The following DOCK9 variants were observed in gnomAD, a reference collection of about 807,000 sequenced individuals.
DOCK9 encodes the protein dedicator of cytokinesis 9, also known as dedicator of cytokinesis protein 9.
A neutral mutation model predicts 263.3 loss-of-function variants in DOCK9; 89 were observed. The ratio of observed to expected loss-of-function variants is 0.34; its 90% CI spans 0.28 to 0.40. DOCK9 has a LOEUF of 0.40. Among genes scored for constraint, DOCK9 ranks in the 10% least tolerant of loss-of-function variants. The probability of loss-of-function intolerance (pLI) is 1.00; values close to 1 mark genes in which losing one functional copy is unlikely to be tolerated. For missense variants in DOCK9, 2,140 were observed against 2,603.4 expected, an observed-to-expected ratio of 0.82 and a Z score of 3.87; for synonymous variants, 976 against 973.1, an observed-to-expected ratio of 1.00 and a Z score of -0.06.
intron 11 of DOCK9, among the ~76,000 whole-genome samples, chr13:98,902,707 T>C (rs1224546851): frequency 1.3e-5 from 2 of 152,234 alleles, no homozygotes; most frequent in Non-Finnish European, 2.9e-5. Flanking sequence ...CTACGTAATG[T>C]ATGTTCCATA....
chr13:98,978,056 G>A lies in DOCK9; in HGVS notation c.-147C>T. On this transcript the variant is annotated 5_prime_UTR_variant, in exon 1 of 53. Transcript: ENST00000682017. ...GTGGTCAGCCCCGCTGGCTGGGTCT[G>A]CAGAGCCTGTGGGGTGGGAAGGCAT... 7.0e-7 allele frequency: 1 copy of A among 1,432,896 alleles called. No individual in the cohort carries two copies. The highest frequency in any genetic ancestry group is 9.1e-7 in the Non-Finnish European group (1 of 1,098,566). 88.8% of individuals were successfully genotyped at this position (1,432,896 alleles called of 1,614,324 possible).
At chr13:98,838,713 G>C (rs1340800653) in intron 38 of DOCK9, among the ~76,000 whole-genome samples, 1 of 152,170 alleles carries the variant, frequency 6.6e-6, no homozygotes, top group African/African-American at 2.4e-5. Context: ...TTACAGTATT[G>C]ATCTAGATTA....
At chr13:98,826,950 A>G (rs1405265633) in intron 43 of DOCK9, 63 bp from the exon 44 acceptor site, 2 of 1,283,058 alleles carry the variant, frequency 1.6e-6, no homozygotes, top group Non-Finnish European at 2.2e-6. Context: ...ATGCTCCCAC[A>G]CAGACAGAAA....
chr13:99,038,252 A>G (rs7329206), intron 1 of DOCK9, among the ~76,000 whole-genome samples: 32,760 of 148,612 alleles, frequency 0.22, 3,673 homozygotes, highest in Middle Eastern at 0.31. Flanking sequence ...TTAACCGGAA[A>G]TAACTATTAA....
At chr13:98,846,495 T>C in intron 37 of DOCK9, 1 of 1,347,458 alleles carries the variant, frequency 7.4e-7, no homozygotes. Flanking sequence ...AGGGATTATA[T>C]GAGTTTTAAC....
At chr13:98,983,080 G>C (rs1396085956) in intron 1 of DOCK9, among the ~76,000 whole-genome samples, 1 of 152,010 alleles carries the variant, frequency 6.6e-6, no homozygotes, top group Non-Finnish European at 1.5e-5. Flanking sequence ...CTTTATTAGG[G>C]GTTCTTGGCA....
chr13:98,880,529 C>A lies in DOCK9; in HGVS notation c.2871+18G>T. ...TTAATCAGTTTCAATCAGAGCCACA[C>A]TGACTCTCCTGACATACCTTCAGTA... On this transcript the variant is annotated intron_variant, in intron 26 of 52. Coordinates refer to ENST00000682017, the MANE Select transcript of DOCK9 (RefSeq NM_001366683.2). 1 of 1,613,674 alleles carries A rather than the reference C, an allele frequency of 6.2e-7. No homozygotes were observed. Among genetic ancestry groups the A allele is most frequent in the Admixed American group, 1.7e-5 (1 of 60,006 alleles).
intron 1 of DOCK9, among the ~76,000 whole-genome samples, chr13:99,069,484 C>A (rs1006435728): frequency 6.6e-6 from 1 of 152,204 alleles, no homozygotes; most frequent in African/African-American, 2.4e-5. Flanking sequence ...TTACCAATGA[C>A]ACTTGACAAC....
At chr13:98,808,472 G>T (rs1399693777) in intron 47 of DOCK9, among the ~76,000 whole-genome samples, 1 of 152,006 alleles carries the variant, frequency 6.6e-6, no homozygotes, top group East Asian at 1.9e-4. Flanking sequence ...ATGTTTAAAA[G>T]AAAATTTTTT....
intron 2 of DOCK9, among the ~76,000 whole-genome samples, chr13:98,934,091 C>T (rs755862360): frequency 2.6e-5 from 4 of 151,478 alleles, no homozygotes; most frequent in South Asian, 2.1e-4. Context: ...GAGATGGGGG[C>T]GGGGGGTCTC....
At chr13:99,015,257 T>G (rs1448860894) in intron 1 of DOCK9, among the ~76,000 whole-genome samples, 1 of 152,242 alleles carries the variant, frequency 6.6e-6, no homozygotes, top group Non-Finnish European at 1.5e-5. Context: ...TTAGCTTTGA[T>G]GAATACATGG....
intron 3 of DOCK9, among the ~76,000 whole-genome samples, chr13:98,929,103 A>T (rs966079152): frequency 2.0e-5 from 3 of 151,642 alleles, no homozygotes; most frequent in African/African-American, 7.3e-5. Context: ...AACCAGGATT[A>T]AAAAAAAATC....
intron 49 of DOCK9, 30 bp downstream of exon 49, chr13:98,804,969 T>C: frequency 6.4e-7 from 1 of 1,570,014 alleles, no homozygotes; most frequent in East Asian, 2.3e-5. Flanking sequence ...GTGTCCGGGC[T>C]CGTGTCCATG....
At chr13:98,852,201 T>C (rs545865234) in intron 35 of DOCK9, among the ~76,000 whole-genome samples, 2 of 152,368 alleles carry the variant, frequency 1.3e-5, no homozygotes, top group African/African-American at 4.8e-5. Flanking sequence ...TTTAGAACTT[T>C]TGACTTAATG....
intron 38 of DOCK9, among the ~76,000 whole-genome samples, chr13:98,839,879 G>A (rs1220095284): frequency 3.9e-5 from 6 of 152,246 alleles, no homozygotes; most frequent in Non-Finnish European, 7.3e-5. Context: ...CTCCTTTAGA[G>A]TCAGATTCAT....
upstream of DOCK9, chr13:99,088,385 C>G (rs1367455929): frequency 1.3e-5 from 2 of 152,232 alleles, no homozygotes; most frequent in Non-Finnish European, 2.9e-5. Flanking sequence ...GAGAGCAACT[C>G]AGCTCGCATT....
intron 49 of DOCK9, among the ~76,000 whole-genome samples, chr13:98,804,608 G>A (rs1594154777): frequency 6.6e-6 from 1 of 152,156 alleles, no homozygotes; most frequent in Non-Finnish European, 1.5e-5. Flanking sequence ...GCTAGAACCT[G>A]AGACAGGTGT....
intron 1 of DOCK9, among the ~76,000 whole-genome samples, chr13:99,007,476 A>G (rs1883548881): frequency 6.6e-6 from 1 of 152,230 alleles, no homozygotes; most frequent in African/African-American, 2.4e-5. Context: ...GCCATGGGAG[A>G]AATAGAAATC....
intron 1 of DOCK9, among the ~76,000 whole-genome samples, chr13:99,050,669 G>A (rs1209947793): frequency 6.6e-5 from 10 of 152,116 alleles, no homozygotes; most frequent in East Asian, 1.9e-4. Flanking sequence ...CAGCCCAGGC[G>A]ACATGCGAGA....
Sources: gnomAD v4.1 joint callset for allele counts (sites outside exome capture counted in the v4.1 genomes callset) on GRCh38, gnomAD v4.1.1 for gene constraint, MANE v1.5 for transcripts, NCBI Gene and HGNC (gene_info 2026-07-23, HGNC 2026-07-21) for gene names.